Variants in FER observed in about 807,000 individuals in gnomAD.
The protein encoded by FER is tyrosine-protein kinase Fer.
Under a neutral mutation model 111.0 loss-of-function variants are expected in FER, and 63 were observed. The ratio of observed to expected loss-of-function variants is 0.57; its 90% CI spans 0.46 to 0.70. The LOEUF (loss-of-function observed/expected upper bound fraction) is 0.70, where lower values mean the gene tolerates loss of function less well. FER is among the 30% of genes least tolerant of loss of function. The pLI, the probability that FER is intolerant of heterozygous loss-of-function variation, is 0.00. For missense variants in FER, 914 were observed against 954.0 expected, an observed-to-expected ratio of 0.96 and a Z score of 0.55; for synonymous variants, 327 against 313.9, an observed-to-expected ratio of 1.04 and a Z score of -0.44.
intron 17 of FER, among the ~76,000 whole-genome samples, chr5:109,108,543 G>T (rs1302094340): frequency 6.6e-6 from 1 of 152,004 alleles, no homozygotes; most frequent in East Asian, 1.9e-4. Flanking sequence ...ACTGCCAGTT[G>T]GTCCATTCAG....
At chr5:108,823,399 A>G (rs575417496) in intron 3 of FER, among the ~76,000 whole-genome samples, 1 of 152,202 alleles carries the variant, frequency 6.6e-6, no homozygotes, top group African/African-American at 2.4e-5. Context: ...CATTTCCATC[A>G]ACAGTGTATA....
intron 16 of FER, among the ~76,000 whole-genome samples, chr5:109,047,502 A>G (rs766974443): frequency 5.0e-4 from 76 of 152,216 alleles, no homozygotes; most frequent in Non-Finnish European, 9.0e-4. Context: ...GTGTACTTAG[A>G]CTTTCTAACA....
intron 5 of FER, among the ~76,000 whole-genome samples, chr5:108,858,345 A>T (rs1022864146): frequency 6.6e-6 from 1 of 152,222 alleles, no homozygotes; most frequent in Non-Finnish European, 1.5e-5. Flanking sequence ...CCTCTGAAAA[A>T]TGAAACTTAA....
chr5:109,108,998 G>A (rs920712070), intron 17 of FER, among the ~76,000 whole-genome samples: 1 of 152,048 alleles, frequency 6.6e-6, no homozygotes, highest in Non-Finnish European at 1.5e-5. Context: ...TCAGTCCCAG[G>A]CTTCTCTTTT....
intron 2 of FER, among the ~76,000 whole-genome samples, chr5:108,782,287 A>T (rs1754174138): frequency 6.9e-6 from 1 of 145,060 alleles, no homozygotes; most frequent in African/African-American, 2.5e-5. Context: ...ACTTCCAAGT[A>T]TTTTTTTTTT....
intron 17 of FER, among the ~76,000 whole-genome samples, chr5:109,147,797 A>G (rs1421533725): frequency 8.9e-6 from 1 of 112,338 alleles, no homozygotes; most frequent in Non-Finnish European, 1.9e-5. Context: ...ATATATATAT[A>G]TATAGAGAGA....
chr5:108,932,605 C>A (rs183196695), intron 10 of FER, among the ~76,000 whole-genome samples: 1 of 152,176 alleles, frequency 6.6e-6, no homozygotes, highest in African/African-American at 2.4e-5. Context: ...ACATTGTCTT[C>A]CACAATAGGT....
At chr5:109,156,965 T>C (rs542362485) in intron 17 of FER, among the ~76,000 whole-genome samples, 48 of 152,202 alleles carry the variant, frequency 3.2e-4, no homozygotes, top group South Asian at 1.0e-3. Context: ...CAGATGCTAA[T>C]GGAGTCCATG....
At chr5:109,087,402 A>C (rs1777685795) in intron 16 of FER, among the ~76,000 whole-genome samples, 1 of 151,872 alleles carries the variant, frequency 6.6e-6, no homozygotes, top group Non-Finnish European at 1.5e-5. Context: ...GGTTGATAAC[A>C]TACTAAAATC....
chr5:109,017,915 A>G (rs894107771), intron 13 of FER, among the ~76,000 whole-genome samples: 7 of 151,904 alleles, frequency 4.6e-5, no homozygotes, highest in African/African-American at 9.7e-5. Flanking sequence ...GTGGTCACAT[A>G]TATGATTGTT....
chr5:108,871,828 A>G (rs1220753153), intron 7 of FER, among the ~76,000 whole-genome samples: 1 of 151,954 alleles, frequency 6.6e-6, no homozygotes, highest in Non-Finnish European at 1.5e-5. Flanking sequence ...ATGATGCGCC[A>G]AATACTTTTC....
chr5:109,100,670 TTATA>T lies in FER; in HGVS notation c.2048+154_2048+157del, dbSNP rs1035185171. 5 of 738,490 alleles carry T rather than the reference TTATA, an allele frequency of 6.8e-6. No homozygotes were observed. In the African/African-American group the frequency reaches 7.2e-5, roughly 11 times the overall value. 45.7% of individuals were successfully genotyped at this position (738,490 alleles called of 1,614,324 possible). ...TGTGAAAGTGTCCTCTGCTAGTTGT[TTATA>T]TAGTTTATACAAACACTCCTTTTTC... On this transcript the variant is annotated intron_variant, in intron 17 of 19. Transcript: ENST00000281092.
At chr5:108,844,346 C>G (rs1053387396) in intron 5 of FER, among the ~76,000 whole-genome samples, 2 of 152,078 alleles carry the variant, frequency 1.3e-5, no homozygotes, top group Non-Finnish European at 2.9e-5. Context: ...AATATATAAT[C>G]TGTTTTCAAA....
chr5:108,762,014 G>A (rs952618535), intron 1 of FER, among the ~76,000 whole-genome samples: 5 of 152,024 alleles, frequency 3.3e-5, no homozygotes, highest in Admixed American at 1.3e-4. Context: ...GGGTTCAAGC[G>A]ATTCTCCTGC....
intron 13 of FER, among the ~76,000 whole-genome samples, chr5:108,979,005 G>T (rs1054814139): frequency 1.3e-5 from 2 of 152,140 alleles, no homozygotes; most frequent in African/African-American, 4.8e-5. Flanking sequence ...GATTTCTTGT[G>T]TGTGTCATTC....
At chr5:108,879,701 A>AAAATATATATATATATATATATAT in intron 8 of FER, among the ~76,000 whole-genome samples, 2 of 99,092 alleles carry the variant, frequency 2.0e-5, no homozygotes, top group African/African-American at 4.8e-5. Flanking sequence ...ATTAAAAAAA[A>AAAATATATATATATATATATATAT]ATATATATAT....
chr5:109,122,510 C>T (rs569798314), intron 17 of FER, among the ~76,000 whole-genome samples: 48 of 134,660 alleles, frequency 3.6e-4, no homozygotes, highest in South Asian at 1.2e-3. Context: ...TGAGAATGAT[C>T]CATGTGCTGA....
chr5:109,086,304 G>C (rs1020546969), intron 16 of FER, among the ~76,000 whole-genome samples: 1 of 151,506 alleles, frequency 6.6e-6, no homozygotes, highest in African/African-American at 2.4e-5. Context: ...TCAAGTGTAT[G>C]CCATAAGGTT....
At chr5:109,068,873 A>G (rs935883444) in intron 16 of FER, among the ~76,000 whole-genome samples, 3 of 152,208 alleles carry the variant, frequency 2.0e-5, no homozygotes, top group Non-Finnish European at 4.4e-5. Flanking sequence ...TTTCAGTTCA[A>G]TGAGCTATCA....
Sources: allele counts gnomAD v4.1 joint callset (sites outside exome capture counted in the v4.1 genomes callset), GRCh38; gene constraint gnomAD v4.1.1; transcripts MANE v1.5; gene names NCBI Gene and HGNC (gene_info 2026-07-23, HGNC 2026-07-21).